Variants in CHD7 observed in about 807,000 individuals in gnomAD.
The protein encoded by CHD7 is chromodomain helicase DNA binding protein 7, also known as ATP-dependent chromatin remodeler CHD7.
In CHD7, 24 loss-of-function variants were observed where a neutral mutation model predicts 307.3. The ratio of observed to expected loss-of-function variants is 0.08; its 90% CI spans 0.06 to 0.11. The LOEUF is 0.11. CHD7 is among the 10% of genes least tolerant of loss of function. CHD7 has a pLI of 1.00. For synonymous variants in CHD7, 1,363 were observed against 1,349.9 expected (o/e 1.01, Z -0.21); for missense variants, 3,106 against 3,727.1 (o/e 0.83, Z 4.34).
intron 1 of CHD7, among the ~76,000 whole-genome samples, chr8:60,683,790 C>T (rs1024564418): frequency 2.0e-5 from 3 of 152,156 alleles, no homozygotes; most frequent in Non-Finnish European, 4.4e-5. Context: ...TGGAAGAGTA[C>T]AGCTCTTGCT....
intron 2 of CHD7, among the ~76,000 whole-genome samples, chr8:60,777,914 C>G (rs1215672106): frequency 6.6e-6 from 1 of 152,074 alleles, no homozygotes; most frequent in Non-Finnish European, 1.5e-5. Flanking sequence ...TTTAAAAATA[C>G]CTTTGGTATC....
At chr8:60,852,439 C>A in intron 29 of CHD7, 59 bp from the exon 30 acceptor site, 2 of 1,477,714 alleles carry the variant, frequency 1.4e-6, no homozygotes, top group South Asian at 2.4e-5. Flanking sequence ...AGAAAAGAAA[C>A]AGTAAATATT....
At chr8:60,700,430 T>C (rs369135334) in intron 1 of CHD7, among the ~76,000 whole-genome samples, 1 of 152,212 alleles carries the variant, frequency 6.6e-6, no homozygotes, top group African/African-American at 2.4e-5. Context: ...TAAGATTTCA[T>C]ATATATCTCA....
intron 2 of CHD7, among the ~76,000 whole-genome samples, chr8:60,755,305 T>A (rs1037076410): frequency 2.0e-5 from 3 of 152,160 alleles, no homozygotes; most frequent in Admixed American, 2.0e-4. Flanking sequence ...TTGGAGACAG[T>A]TTTTATCCAT....
rs1329751221 is a variant in CHD7, at chr8:60,853,419, A to G, written c.6694A>G (p.Ile2232Val). The G allele has an allele frequency of 2.0e-5, 30 of 1,523,306 alleles. No homozygotes were observed. The Admixed American group carries it at 2.5e-4, about 13-fold the overall frequency. 94.4% of individuals were successfully genotyped at this position (1,523,306 alleles called of 1,614,324 possible). The change falls in exon 31 of 38, where the codon ATT (isoleucine) becomes GTT (valine). Residue 2232 changes from isoleucine to valine, a missense_variant. Physicochemically the swap from Ile to Val is conservative, Grantham distance 29. Around this residue, in one of 10 missense-constraint regions of CHD7, gnomAD observed 1,030 missense variants for 1,165.4 expected, o/e 0.88. Coordinates refer to ENST00000423902, the MANE Select transcript of CHD7 (RefSeq NM_017780.4). ...EVGADTGSKSISEKGSEEDEE... is the reference protein window; with the variant it reads ...EVGADTGSKSVSEKGSEEDEE... Reference sequence around the variant, plus strand: ...CGGCGCAGACACTGGGTCCAAATCTATTTCAGAGAAAGGTTCCGAAGAGGA... The same window carrying G: ...CGGCGCAGACACTGGGTCCAAATCTGTTTCAGAGAAAGGTTCCGAAGAGGA...
chr8:60,799,688 T>C lies in CHD7; in HGVS notation c.2239-700T>C, dbSNP rs563402176. Among the ~76,000 whole-genome samples, 62 of 152,208 alleles carry C rather than the reference T, an allele frequency of 4.1e-4. No individual in the cohort carries two copies. In the South Asian group the frequency reaches 0.012, roughly 30 times the overall value. ...AAGCACTGATTTTTTTTGGACTTTT[T>C]ATATGGGAAAAATGTTAAAATGTAC... On this transcript the variant is annotated intron_variant, in intron 4 of 37. Coordinates refer to ENST00000423902, the MANE Select transcript of CHD7 (RefSeq NM_017780.4).
At chr8:60,688,225 AC>A (rs1806011490) in intron 1 of CHD7, among the ~76,000 whole-genome samples, 1 of 152,196 alleles carries the variant, frequency 6.6e-6, no homozygotes, top group East Asian at 1.9e-4. Flanking sequence ...TCGGACAGAT[AC>A]GGGTGTGAAT....
chr8:60,824,288 T>G, intron 13 of CHD7: 1 of 429,678 alleles, frequency 2.3e-6, no homozygotes. Flanking sequence ...TACCCTTTGT[T>G]CATAAATACA....
chr8:60,698,330 C>G (rs1210826139), intron 1 of CHD7, among the ~76,000 whole-genome samples: 1 of 152,168 alleles, frequency 6.6e-6, no homozygotes, highest in Non-Finnish European at 1.5e-5. Flanking sequence ...GAGGCCAATA[C>G]AGGAAGAATA....
rs76254898 is a variant in CHD7 at position 60,851,899 on chromosome 8, A to G, written c.5666-120A>G. 2.6e-5 allele frequency: 16 copies of G among 619,662 alleles called. No individual in the cohort carries two copies. The South Asian group carries it at 3.9e-4, about 15-fold the overall frequency. The allele number at this position is 619,662 out of a possible 1,614,324, so 38.4% of individuals were successfully genotyped here. ...TTATTTATATTTTAAAAATGAGGGC[A>G]CTGAGATGCCCTTTCCCACACTGTC... is the stretch of plus-strand genomic sequence containing the variant. On this transcript the variant is annotated intron_variant, in intron 28 of 37. Coordinates refer to ENST00000423902, the MANE Select transcript of CHD7 (RefSeq NM_017780.4).
rs189264921 is a variant in CHD7 at position 60,692,423 on chromosome 8, T to C, written c.-175+13341T>C. ...ATATAGTTCTGGTTTAAATGGTACA[T>C]GTCTGCCAAACTAATACATTTGTTA... On this transcript the variant is annotated intron_variant, in intron 1 of 37. Transcript: ENST00000423902. Among the ~76,000 whole-genome samples the C allele has an allele frequency of 3.6e-3, 548 of 152,378 alleles. 1 individual carries two copies. Among genetic ancestry groups the C allele is most frequent in the Non-Finnish European group, 4.3e-3 (294 of 68,030 alleles).
At chr8:60,826,207 C>A (rs1268845936) in intron 13 of CHD7, among the ~76,000 whole-genome samples, 2 of 152,202 alleles carry the variant, frequency 1.3e-5, no homozygotes, top group Admixed American at 6.5e-5. Flanking sequence ...ACCACCAGTC[C>A]TGGGTGTCCT....
At chr8:60,693,366 C>A (rs1410660410) in intron 1 of CHD7, among the ~76,000 whole-genome samples, 1 of 152,194 alleles carries the variant, frequency 6.6e-6, no homozygotes, top group African/African-American at 2.4e-5. Flanking sequence ...TAGACCTTGC[C>A]ACCCCATTGC....
Position 60,772,298 on chromosome 8 carries a change from G to C in CHD7, c.1666-8702G>C, listed in dbSNP as rs891525096. On this transcript the variant is annotated intron_variant, in intron 2 of 37. Transcript: ENST00000423902. The stretch of plus-strand genomic sequence containing the variant: ...ACCCCTGGGATTGTTCAGTGTTGCA[G>C]ACACACCTTTGACAGTCTTTGAAGT... 3.9e-5 allele frequency among the ~76,000 whole-genome samples: 6 copies of C among 152,216 alleles called. No homozygotes were observed. In the South Asian group the frequency reaches 8.3e-4, roughly 21 times the overall value.
chr8:60,841,943 A>G lies in CHD7; in HGVS notation c.4741A>G (p.Ser1581Gly), dbSNP rs745721998. The change falls in exon 21 of 38, where the codon AGT (serine) becomes GGT (glycine). Residue 1581 changes from serine (S) to glycine (G), a missense_variant. Around this residue, in one of 10 missense-constraint regions of CHD7, gnomAD observed 122 missense variants for 124.5 expected, o/e 0.98. Coordinates refer to ENST00000423902, the MANE Select transcript of CHD7 (RefSeq NM_017780.4). ...DELMEFSDLE[S>G]DSEEKPCAKP... ...GCTGATGGAGTTCTCAGACTTGGAA[A>G]GTGATTCTGAAGAAAAGCCCTGTGC... 1 of 1,612,882 alleles carries G rather than the reference A, an allele frequency of 6.2e-7. No homozygotes were observed. The highest frequency in any genetic ancestry group is 1.1e-5 in the South Asian group (1 of 90,826).
chr8:60,767,775 G>A (rs556422530), intron 2 of CHD7, among the ~76,000 whole-genome samples: 2 of 152,242 alleles, frequency 1.3e-5, no homozygotes, highest in East Asian at 3.9e-4. Context: ...CTCTCTCTTC[G>A]TGGTTTGTTT....
At chr8:60,756,095 A>G (rs530082996) in intron 2 of CHD7, among the ~76,000 whole-genome samples, 1 of 152,370 alleles carries the variant, frequency 6.6e-6, no homozygotes, top group African/African-American at 2.4e-5. Context: ...CCATGAGGCT[A>G]GTGACTTTCA....
intron 2 of CHD7, among the ~76,000 whole-genome samples, chr8:60,746,614 T>C (rs924201711): frequency 1.6e-4 from 25 of 152,266 alleles, no homozygotes; most frequent in African/African-American, 5.5e-4. Flanking sequence ...TTAACTCTTC[T>C]TGAGTTTTTC....
At chr8:60,753,413 AT>A (rs1471414871) in intron 2 of CHD7, among the ~76,000 whole-genome samples, 1 of 152,168 alleles carries the variant, frequency 6.6e-6, no homozygotes, top group African/African-American at 2.4e-5. Context: ...ATTCAGTCTA[AT>A]TTTGGAAAAC....
Sources: gnomAD v4.1 joint callset for allele counts (sites outside exome capture counted in the v4.1 genomes callset) on GRCh38, gnomAD v4.1.1 for gene constraint, gnomAD v4.1.1 regional missense constraint, MANE v1.5 for transcripts, NCBI Gene and HGNC (gene_info 2026-07-23, HGNC 2026-07-21) for gene names.